Variants in CUL1 observed in about 807,000 individuals in gnomAD.
CUL1 encodes the protein cullin-1.
CUL1 carries 24 observed loss-of-function variants against 118.0 expected under a neutral mutation model. The observed-to-expected ratio is 0.20, with a 90% confidence interval of 0.15 to 0.29. CUL1 has a LOEUF of 0.29. CUL1 is among the 10% of genes least tolerant of loss of function. The probability of loss-of-function intolerance (pLI) is 1.00; values close to 1 mark genes in which losing one functional copy is unlikely to be tolerated. For synonymous variants in CUL1, 332 were observed against 340.4 expected, an observed-to-expected ratio of 0.98 and a Z score of 0.27; for missense variants, 361 against 933.8, an observed-to-expected ratio of 0.39 and a Z score of 7.99.
Position 148,784,225 on chromosome 7 carries a change from C to T in CUL1, c.1298+148C>T, listed in dbSNP as rs572593003. 217 of 667,410 alleles carry T rather than the reference C, an allele frequency of 3.3e-4. No homozygotes were observed. The African/African-American group carries it at 3.5e-3, about 11-fold the overall frequency. The allele number at this position is 667,410 out of a possible 1,614,324, so 41.3% of individuals were successfully genotyped here. A position where few individuals can be genotyped will look rare whatever the true frequency, so the allele number is the denominator to read the frequency against. On this transcript the variant is annotated intron_variant, in intron 11 of 21. Coordinates refer to ENST00000325222, the MANE Select transcript of CUL1 (RefSeq NM_003592.3). ...AATGCTTAAACATAATCGTCCTTGC[C>T]GTTGAAAATCTGCATTCCCTCCCAC...
chr7:148,737,100 T>A (rs774458286), intron 2 of CUL1, among the ~76,000 whole-genome samples: 1 of 152,244 alleles, frequency 6.6e-6, no homozygotes, highest in Non-Finnish European at 1.5e-5. Flanking sequence ...CCTGGTACTA[T>A]TAAAATCATT....
In CUL1 at chr7:148,787,449, G is replaced by A. The variant is rs1225457976; in HGVS notation, c.1479+329G>A. Among the ~76,000 whole-genome samples the A allele has an allele frequency of 6.6e-6, 1 of 152,122 alleles. No individual in the cohort carries two copies. Among genetic ancestry groups the A allele is most frequent in the Non-Finnish European group, 1.5e-5 (1 of 68,008 alleles). Reference sequence around the variant, plus strand: ...TACACTCCAGCCTGGGCAACAGAGTGAGACTCTGTCTCAGAAAAAAATAAA... The same window carrying A: ...TACACTCCAGCCTGGGCAACAGAGTAAGACTCTGTCTCAGAAAAAAATAAA... On this transcript the variant is annotated intron_variant, in intron 13 of 21. Transcript: ENST00000325222. This position sits in a 1 kb window ranked among gnomAD's most constrained non-coding sequence, Gnocchi z 5.5.
rs138664396 is a variant in CUL1 at position 148,782,418 on chromosome 7, C to T, written c.1084-1365C>T. On this transcript the variant is annotated intron_variant, in intron 9 of 21. Coordinates refer to ENST00000325222, the MANE Select transcript of CUL1 (RefSeq NM_003592.3). ...CAAGGCTATCTGGTAGTGCAGTTCACGCTCTGTGTGTTTTAACATTTTTAA... is the reference window on the plus strand; with the variant it reads ...CAAGGCTATCTGGTAGTGCAGTTCATGCTCTGTGTGTTTTAACATTTTTAA... Among the ~76,000 whole-genome samples the T allele has an allele frequency of 1.3e-3, 202 of 152,280 alleles. 1 individual carries two copies. The highest frequency in any genetic ancestry group is 4.3e-3 in the African/African-American group (180 of 41,544).
At chr7:148,789,194 A>G (rs1186213967) in intron 14 of CUL1, among the ~76,000 whole-genome samples, 1 of 152,040 alleles carries the variant, frequency 6.6e-6, no homozygotes, top group Non-Finnish European at 1.5e-5. Context: ...AAAAATGGAG[A>G]ATTTTATTTT....
chr7:148,800,056 A>T lies in CUL1; in HGVS notation c.2251-446A>T, dbSNP rs1265126627. Among the ~76,000 whole-genome samples, 1 of 152,216 alleles carries T rather than the reference A, an allele frequency of 6.6e-6. No homozygotes were observed. The highest frequency in any genetic ancestry group is 2.4e-5 in the African/African-American group (1 of 41,454). On this transcript the variant is annotated intron_variant, in intron 21 of 21. Coordinates refer to ENST00000325222, the MANE Select transcript of CUL1 (RefSeq NM_003592.3). This position sits in a 1 kb window ranked among gnomAD's most constrained non-coding sequence, Gnocchi z 4.6. ...GGCATTGACAGGTGACTTCCCCAACAGGCAGGAGGCCCAGTGTCCCTCCTG... is the reference window on the plus strand; with the variant it reads ...GGCATTGACAGGTGACTTCCCCAACTGGCAGGAGGCCCAGTGTCCCTCCTG...
intron 1 of CUL1, among the ~76,000 whole-genome samples, chr7:148,700,918 A>G (rs960625088): frequency 6.6e-6 from 1 of 152,092 alleles, no homozygotes; most frequent in Non-Finnish European, 1.5e-5. Flanking sequence ...ACCACATCAG[A>G]AGACAGACAC....
At chr7:148,743,629 TGTG>T (rs1465500008) in intron 2 of CUL1, among the ~76,000 whole-genome samples, 1 of 152,150 alleles carries the variant, frequency 6.6e-6, no homozygotes, top group African/African-American at 2.4e-5. Context: ...TTAAGCCAGG[TGTG>T]GTGGCTCACA....
chr7:148,781,906 G>A (rs1162786896), intron 9 of CUL1, among the ~76,000 whole-genome samples: 1 of 152,174 alleles, frequency 6.6e-6, no homozygotes, highest in Non-Finnish European at 1.5e-5. Context: ...TATAAACCCT[G>A]TGAGGGGTCT....
Position 148,775,669 on chromosome 7 carries a change from A to G in CUL1, c.1083+7920A>G, listed in dbSNP as rs537930989. ...ATGCTGATAATATACATTGATTCAT[A>G]TAGCACGTAGCTAAATTTGTGAATT... On this transcript the variant is annotated intron_variant, in intron 9 of 21. Transcript: ENST00000325222. 2.6e-5 allele frequency among the ~76,000 whole-genome samples: 4 copies of G among 152,358 alleles called. No individual in the cohort carries two copies. In the South Asian group the frequency reaches 8.3e-4, roughly 32 times the overall value.
chr7:148,751,016 A>G (rs1395141938), intron 2 of CUL1, among the ~76,000 whole-genome samples: 21 of 151,724 alleles, frequency 1.4e-4, no homozygotes, highest in Admixed American at 1.1e-3. Context: ...AAAACTGTCT[A>G]TGCCCTAGAA....
chr7:148,743,931 A>T (rs889725783), intron 2 of CUL1, among the ~76,000 whole-genome samples: 10 of 152,010 alleles, frequency 6.6e-5, no homozygotes, highest in East Asian at 1.9e-4. Flanking sequence ...CAAAAAACAA[A>T]TTTTTTTTCA....
At chr7:148,709,186 C>T (rs769016097) in intron 1 of CUL1, among the ~76,000 whole-genome samples, 6 of 152,252 alleles carry the variant, frequency 3.9e-5, no homozygotes, top group South Asian at 2.1e-4. Context: ...GTACTTTCCC[C>T]GCCAAAAATG....
chr7:148,699,625 C>T (rs1453818006), intron 1 of CUL1, among the ~76,000 whole-genome samples: 1 of 152,188 alleles, frequency 6.6e-6, no homozygotes, highest in African/African-American at 2.4e-5. Flanking sequence ...GGGTTCCCCG[C>T]CTGCATTGTT....
intron 9 of CUL1, among the ~76,000 whole-genome samples, chr7:148,769,876 G>T (rs558699193): frequency 6.6e-6 from 1 of 150,982 alleles, no homozygotes; most frequent in Non-Finnish European, 1.5e-5. Flanking sequence ...TTAAAAGGAA[G>T]AAAGAAAAAA....
rs576015983 is a variant in CUL1, at chr7:148,753,791, G to A, written c.141-185G>A. ...TCTCAAGGCCTACCAACAACCTTGTGAATGGGGCTTGTTGACTTTTAGCTT... is the reference window on the plus strand; with the variant it reads ...TCTCAAGGCCTACCAACAACCTTGTAAATGGGGCTTGTTGACTTTTAGCTT... On this transcript the variant is annotated intron_variant, in intron 2 of 21. Transcript: ENST00000325222. 2.0e-4 allele frequency among the ~76,000 whole-genome samples: 31 copies of A among 152,342 alleles called. 1 individual carries two copies. The South Asian group carries it at 6.2e-3, about 31-fold the overall frequency.
At chr7:148,781,620 T>C (rs1800635910) in intron 9 of CUL1, among the ~76,000 whole-genome samples, 1 of 152,180 alleles carries the variant, frequency 6.6e-6, no homozygotes. Flanking sequence ...CAGAAAAGTA[T>C]TATAATTTGG....
chr7:148,788,905 G>C (rs952223292), intron 14 of CUL1, among the ~76,000 whole-genome samples: 4 of 152,216 alleles, frequency 2.6e-5, no homozygotes, highest in African/African-American at 9.6e-5. Flanking sequence ...GTCACCACCT[G>C]TTGGGATCTG....
intron 6 of CUL1, 63 bp downstream of exon 6, chr7:148,759,701 C>A: frequency 1.3e-6 from 1 of 765,294 alleles, no homozygotes; most frequent in South Asian, 2.1e-5. Context: ...CAACAATGCT[C>A]TAACAGATGT....
Position 148,797,983 on chromosome 7 carries a change from C to T in CUL1, c.1994C>T (p.Pro665Leu), listed in dbSNP as rs1366801810. 1 of 1,610,588 alleles carries T rather than the reference C, an allele frequency of 6.2e-7. No homozygotes were observed. The stretch of plus-strand genomic sequence containing the variant: ...AATGTTGATGAGGTGGAATTGAAGC[C>T]AGATACCTTAATAAAATTATATCTT... ...NANVDEVELK[P>L]DTLIKLYLGY... The change falls in exon 19 of 22, where the codon CCA becomes CTA. Residue 665 changes from proline to leucine, a missense_variant. By Grantham distance (98) the Pro-to-Leu change is moderately conservative. Around this residue, in one of 7 missense-constraint regions of CUL1, gnomAD observed 84 missense variants for 203.3 expected, o/e 0.41. Coordinates refer to ENST00000325222, the MANE Select transcript of CUL1 (RefSeq NM_003592.3).
Sources: gnomAD v4.1 joint callset for allele counts (sites outside exome capture counted in the v4.1 genomes callset) on GRCh38, gnomAD v4.1.1 for gene constraint, gnomAD v4.1.1 regional missense constraint, Gnocchi (gnomAD v3.1) non-coding constraint, MANE v1.5 for transcripts, NCBI Gene and HGNC (gene_info 2026-07-23, HGNC 2026-07-21) for gene names.